CACNA1S: variants seen among roughly 807,000 people sequenced by gnomAD.
The protein encoded by CACNA1S is voltage-dependent L-type calcium channel subunit alpha-1S.
A neutral mutation model predicts 207.4 loss-of-function variants in CACNA1S; 126 were observed. That is an observed-to-expected ratio of 0.61 (90% confidence interval 0.53 to 0.70). CACNA1S has a LOEUF of 0.70. Ranked by LOEUF, CACNA1S falls within the 30% of genes least tolerant of loss-of-function variation. The pLI, the probability that CACNA1S is intolerant of heterozygous loss-of-function variation, is 0.00. For missense variants in CACNA1S, 2,349 were observed against 2,422.8 expected (o/e 0.97, Z 0.64); for synonymous variants, 960 against 932.7 (o/e 1.03, Z -0.53).
Position 201,061,933 on chromosome 1 carries a change from C to T in CACNA1S, c.3053+11G>A, listed in dbSNP as rs762108844. 2.5e-6 allele frequency: 4 copies of T among 1,614,030 alleles called. No homozygotes were observed. The highest frequency in any genetic ancestry group is 1.3e-5 in the African/African-American group (1 of 75,058). On this transcript the variant is annotated intron_variant, in intron 24 of 43. Coordinates refer to ENST00000362061, the MANE Select transcript of CACNA1S (RefSeq NM_000069.3). ...TGTCCATGAGGGACCTAGGCCCCAG[C>T]CATCACTCACTGAGGCCATCCCTCG...
rs1009056910 is a variant in CACNA1S at position 201,093,778 on chromosome 1, A to G, written c.398+104T>C. ...GCTGCTCCATGCAGTGGTTAGCACAATGCTGGAGTCCCACCCCACCTCTAA... is the reference window on the plus strand; with the variant it reads ...GCTGCTCCATGCAGTGGTTAGCACAGTGCTGGAGTCCCACCCCACCTCTAA... On this transcript the variant is annotated intron_variant, in intron 3 of 43. Coordinates refer to ENST00000362061, the MANE Select transcript of CACNA1S (RefSeq NM_000069.3). The G allele has an allele frequency of 8.6e-6, 12 of 1,398,594 alleles. No individual in the cohort carries two copies. The Admixed American group carries it at 1.2e-4, about 14-fold the overall frequency. 86.6% of individuals were successfully genotyped at this position (1,398,594 alleles called of 1,614,324 possible). A position where few individuals can be genotyped will look rare whatever the true frequency, so the allele number is the denominator to read the frequency against.
chr1:201,107,205 A>G (rs1328458583), intron 2 of CACNA1S, among the ~76,000 whole-genome samples: 3 of 152,244 alleles, frequency 2.0e-5, no homozygotes, highest in Admixed American at 2.0e-4. Context: ...TTGACCACAG[A>G]GCATTCAACC....
In CACNA1S at chr1:201,110,215, G is replaced by A. The variant is rs747492955; in HGVS notation, c.207C>T (p.Ala69=). Residue 69 remains alanine (A), a synonymous_variant, in exon 2 of 44, where the codon GCC becomes GCT. Coordinates refer to ENST00000362061, the MANE Select transcript of CACNA1S (RefSeq NM_000069.3). ...CATCTTCCGGCATGGGCAGGTACAC[G>A]GCCAGGGCCACACAATTGGCAAAGA... ...LTIFANCVAL[A]VYLPMPEDDN... 6.2e-6 allele frequency: 10 copies of A among 1,614,174 alleles called. No homozygotes were observed. The highest frequency in any genetic ancestry group is 5.5e-5 in the South Asian group (5 of 91,076).
At chr1:201,067,074 T>C (rs1661274803) in intron 19 of CACNA1S, 81 bp from the exon 20 acceptor site, 1 of 906,128 alleles carries the variant, frequency 1.1e-6, no homozygotes, top group South Asian at 1.4e-5. Flanking sequence ...TTCTCGCCTC[T>C]GCTCAGGAGA....
Position 201,053,274 on chromosome 1 carries a change from C to T in CACNA1S, c.3796G>A (p.Ala1266Thr), listed in dbSNP as rs2102561728. The stretch of plus-strand genomic sequence containing the variant: ...ATGAGCAGAGCCACGTAGGGTAGGG[C>T]CTGCAGGGCGGGCGGGAGCGCCAGT... ...LLWTFIKSFQALPYVALLIVM... is the reference protein window; with the variant it reads ...LLWTFIKSFQTLPYVALLIVM... Residue 1266 changes from alanine to threonine, a missense_variant and splice_region_variant, in exon 31 of 44, where the codon GCC becomes ACC. Ala to Thr is a moderately conservative substitution (Grantham distance 58). Coordinates refer to ENST00000362061, the MANE Select transcript of CACNA1S (RefSeq NM_000069.3). The surrounding 1 kb of genome is among the most constrained non-coding windows in gnomAD (Gnocchi z 5.1). 6.2e-7 allele frequency: 1 copy of T among 1,614,158 alleles called. No individual in the cohort carries two copies. Among genetic ancestry groups the T allele is most frequent in the Non-Finnish European group, 8.5e-7 (1 of 1,180,020 alleles).
chr1:201,059,665 G>A (rs1660972816), intron 26 of CACNA1S, among the ~76,000 whole-genome samples: 1 of 152,160 alleles, frequency 6.6e-6, no homozygotes, highest in Admixed American at 6.5e-5. Context: ...TCTGTAACAG[G>A]TTCTGTTTAG....
chr1:201,051,632 C>T (rs1166337226), intron 32 of CACNA1S, among the ~76,000 whole-genome samples: 2 of 152,220 alleles, frequency 1.3e-5, no homozygotes, highest in African/African-American at 2.4e-5. Flanking sequence ...GGTGCATATG[C>T]ATGACATGTT....
intron 19 of CACNA1S, among the ~76,000 whole-genome samples, chr1:201,068,609 A>G (rs1036736699): frequency 1.3e-5 from 2 of 149,640 alleles, no homozygotes; most frequent in East Asian, 2.1e-4. Context: ...GAGGTGGCTC[A>G]TGCCTGTAAT....
rs376393159 is a variant in CACNA1S at position 201,065,925 on chromosome 1, G to A, written c.2766C>T (p.Phe922=). 30 of 1,613,048 alleles carry A rather than the reference G, an allele frequency of 1.9e-5. No individual in the cohort carries two copies. Among genetic ancestry groups the A allele is most frequent in the East Asian group, 1.1e-4 (5 of 44,870 alleles). Residue 922 remains phenylalanine, a synonymous_variant, in exon 22 of 44, where the codon TTC becomes TTT. Transcript: ENST00000362061. ...TGTTCCCGATGGTGCTGATGGCCACGAACATGCACTGCACCACGTGCTGGG... is the reference window on the plus strand; with the variant it reads ...TGTTCCCGATGGTGCTGATGGCCACAAACATGCACTGCACCACGTGCTGGG... The part of the protein sequence containing the change: ...KGLKHVVQCM[F]VAISTIGNIV...
chr1:201,051,247 G>C, intron 32 of CACNA1S, 104 bp from the exon 33 acceptor site: 2 of 1,114,478 alleles, frequency 1.8e-6, no homozygotes, highest in Non-Finnish European at 1.4e-6. Flanking sequence ...GCAAACTGGG[G>C]CTGTTGTCCA....
intron 28 of CACNA1S, among the ~76,000 whole-genome samples, chr1:201,056,492 G>C (rs1479746797): frequency 1.3e-5 from 2 of 152,342 alleles, no homozygotes; most frequent in African/African-American, 4.8e-5. Context: ...CCTATGCATG[G>C]GTGAGCCCCT....
At chr1:201,043,776 G>A (rs1316144861) in intron 39 of CACNA1S, among the ~76,000 whole-genome samples, 1 of 152,170 alleles carries the variant, frequency 6.6e-6, no homozygotes, top group East Asian at 1.9e-4. Flanking sequence ...GCACACAGAA[G>A]AGAAGTGTGG....
chr1:201,051,641 T>A (rs2102559289), intron 32 of CACNA1S, among the ~76,000 whole-genome samples: 1 of 152,274 alleles, frequency 6.6e-6, no homozygotes, highest in African/African-American at 2.4e-5. Context: ...GCATGACATG[T>A]TTGCATTTTT....
At chr1:201,063,134 T>TC (rs1661124124) in intron 22 of CACNA1S, among the ~76,000 whole-genome samples, 2 of 122,292 alleles carry the variant, frequency 1.6e-5, no homozygotes, top group South Asian at 7.4e-4. Flanking sequence ...GTTAATCCTT[T>TC]TTTTTTTTTT....
In CACNA1S at chr1:201,066,439, A is replaced by G; in HGVS notation, c.2658-123T>C. The G allele has an allele frequency of 1.2e-6, 1 of 819,660 alleles. No homozygotes were observed. The highest frequency in any genetic ancestry group is 2.1e-6 in the Non-Finnish European group (1 of 486,714). The allele number at this position is 819,660 out of a possible 1,614,324, so 50.8% of individuals were successfully genotyped here. ...TGCCTTTCTGCCTGAAAACACTCCC[A>G]CCTTCCCCTTCCCTTTCCTCCAGCC... On this transcript the variant is annotated intron_variant, in intron 20 of 43. Transcript: ENST00000362061. The surrounding 1 kb of genome is among the most constrained non-coding windows in gnomAD (Gnocchi z 4.3).
intron 13 of CACNA1S, among the ~76,000 whole-genome samples, chr1:201,074,822 T>C (rs892118608): frequency 6.6e-6 from 1 of 152,210 alleles, no homozygotes; most frequent in African/African-American, 2.4e-5. Context: ...CTGAATCCTG[T>C]GGCCTTGAAT....
Position 201,070,226 on chromosome 1 carries a change from A to T in CACNA1S, c.2360+46T>A, listed in dbSNP as rs371584903. On this transcript the variant is annotated intron_variant, in intron 17 of 43. Coordinates refer to ENST00000362061, the MANE Select transcript of CACNA1S (RefSeq NM_000069.3). ...GGTTTTTTCTAGGGCAGGGAAGCAG[A>T]TGAGAGCCGCATCAATCACCCCCAC... The T allele has an allele frequency of 1.9e-6, 3 of 1,610,628 alleles. No homozygotes were observed. In the African/African-American group the frequency reaches 4.0e-5, roughly 21 times the overall value.
At chr1:201,052,116 A>T (rs767099849) in intron 32 of CACNA1S, among the ~76,000 whole-genome samples, 2 of 152,184 alleles carry the variant, frequency 1.3e-5, no homozygotes, top group Non-Finnish European at 2.9e-5. Context: ...TCCAAGCTCT[A>T]GCTCCTGTGC....
Position 201,066,830 on chromosome 1 carries a change from C to T in CACNA1S, c.2657+57G>A. ...CATGGGTGGGACTCCCACTACAAAGCCCTGGCACAGAGCAGAGGGTGGTCT... is the reference window on the plus strand; with the variant it reads ...CATGGGTGGGACTCCCACTACAAAGTCCTGGCACAGAGCAGAGGGTGGTCT... On this transcript the variant is annotated intron_variant, in intron 20 of 43. Coordinates refer to ENST00000362061, the MANE Select transcript of CACNA1S (RefSeq NM_000069.3). The surrounding 1 kb of genome is among the most constrained non-coding windows in gnomAD (Gnocchi z 4.3). The T allele has an allele frequency of 3.0e-6, 4 of 1,338,270 alleles. No individual in the cohort carries two copies. The highest frequency in any genetic ancestry group is 4.3e-6 in the Non-Finnish European group (4 of 939,036). 82.9% of individuals were successfully genotyped at this position (1,338,270 alleles called of 1,614,324 possible). A position where few individuals can be genotyped will look rare whatever the true frequency, so the allele number is the denominator to read the frequency against.
Sources: allele counts gnomAD v4.1 joint callset (sites outside exome capture counted in the v4.1 genomes callset), GRCh38; gene constraint gnomAD v4.1.1; non-coding constraint Gnocchi (gnomAD v3.1); transcripts MANE v1.5; gene names NCBI Gene and HGNC (gene_info 2026-07-23, HGNC 2026-07-21).